Variants in SNTG1 observed in about 807,000 individuals in gnomAD.
The protein encoded by SNTG1 is gamma-1-syntrophin.
Under a neutral mutation model 74.7 loss-of-function variants are expected in SNTG1, and 39 were observed. That is an observed-to-expected ratio of 0.52 (90% CI 0.40 to 0.68). The LOEUF is 0.68. SNTG1 is among the 30% of genes least tolerant of loss of function. SNTG1 has a pLI of 0.00. For synonymous variants in SNTG1, 254 were observed against 217.1 expected (o/e 1.17, Z -1.49); for missense variants, 685 against 609.5 (o/e 1.12, Z -1.30).
At chr8:50,216,585 T>C (rs892408938) in intron 2 of SNTG1, among the ~76,000 whole-genome samples, 1 of 152,090 alleles carries the variant, frequency 6.6e-6, no homozygotes, top group African/African-American at 2.4e-5. Context: ...TTGCTTTAGA[T>C]TTTATCTGAA....
intron 2 of SNTG1, among the ~76,000 whole-genome samples, chr8:50,230,922 T>G (rs2132062156): frequency 6.6e-6 from 1 of 151,204 alleles, no homozygotes; most frequent in East Asian, 1.9e-4. Flanking sequence ...AGTAAAAAGC[T>G]TCTGCACATC....
intron 2 of SNTG1, among the ~76,000 whole-genome samples, chr8:50,271,163 G>A (rs1346984965): frequency 2.0e-5 from 3 of 152,180 alleles, no homozygotes; most frequent in Non-Finnish European, 4.4e-5. Context: ...ATAGAAGCAT[G>A]TGAGAAATGG....
chr8:50,486,344 C>G (rs921220104), intron 8 of SNTG1, among the ~76,000 whole-genome samples: 8 of 145,396 alleles, frequency 5.5e-5, no homozygotes, highest in African/African-American at 2.0e-4. Flanking sequence ...GTTTGTAGTT[C>G]TCCTTGAAGA....
At chr8:50,225,985 A>G (rs777990624) in intron 2 of SNTG1, among the ~76,000 whole-genome samples, 8 of 152,240 alleles carry the variant, frequency 5.3e-5, no homozygotes, top group Non-Finnish European at 7.3e-5. Context: ...ATATAGGACT[A>G]GATATGCATA....
At chr8:50,452,060 A>T (rs1029353213) in intron 8 of SNTG1, among the ~76,000 whole-genome samples, 1 of 152,228 alleles carries the variant, frequency 6.6e-6, no homozygotes, top group Non-Finnish European at 1.5e-5. Flanking sequence ...TTTCACATCT[A>T]AGAGAGGCAA....
chr8:50,048,851 C>T (rs1313309324), intron 1 of SNTG1, among the ~76,000 whole-genome samples: 1 of 151,942 alleles, frequency 6.6e-6, no homozygotes, highest in African/African-American at 2.4e-5. Flanking sequence ...TAAGTTTTGC[C>T]TAATAGGACT....
intron 8 of SNTG1, among the ~76,000 whole-genome samples, chr8:50,484,141 T>TTTCTTTCTTTCTTCCTTTCTTTCC (rs1256171947): frequency 1.1e-5 from 1 of 92,786 alleles, no homozygotes; most frequent in Non-Finnish European, 2.3e-5. Flanking sequence ...TCTTTCCTTC[T>TTTCTTTCTTTCTTCCTTTCTTTCC]TTCTTTCTTT....
chr8:50,722,947 C>T (rs1367202034), intron 17 of SNTG1, among the ~76,000 whole-genome samples: 2 of 152,288 alleles, frequency 1.3e-5, no homozygotes, highest in Non-Finnish European at 2.9e-5. Context: ...TCCATTAACA[C>T]TATATGTAAA....
chr8:50,654,382 C>T (rs969041813), intron 13 of SNTG1, among the ~76,000 whole-genome samples: 22 of 152,152 alleles, frequency 1.4e-4, no homozygotes, highest in African/African-American at 2.6e-4. Context: ...CCCAACTTTA[C>T]GTTTCATAAA....
chr8:50,206,419 G>T (rs2084240836), intron 2 of SNTG1, among the ~76,000 whole-genome samples: 2 of 152,246 alleles, frequency 1.3e-5, no homozygotes, highest in Admixed American at 1.3e-4. Context: ...CATTGATTTT[G>T]TATCCTGAGA....
intron 1 of SNTG1, among the ~76,000 whole-genome samples, chr8:50,031,736 TTTG>T: frequency 6.6e-6 from 1 of 152,106 alleles, no homozygotes; most frequent in Non-Finnish European, 1.5e-5. Context: ...ACATTAATAT[TTTG>T]TTAACAATTT....
At chr8:50,541,877 A>G (rs1220162322) in intron 11 of SNTG1, among the ~76,000 whole-genome samples, 1 of 151,812 alleles carries the variant, frequency 6.6e-6, no homozygotes, top group East Asian at 1.9e-4. Flanking sequence ...AATGAGATCA[A>G]CTTTTTTAGC....
At chr8:50,202,807 T>C (rs926336569) in intron 2 of SNTG1, among the ~76,000 whole-genome samples, 2 of 151,872 alleles carry the variant, frequency 1.3e-5, no homozygotes, top group East Asian at 3.9e-4. Flanking sequence ...TTTTTTTTTT[T>C]TACAGTTTGA....
chr8:50,244,622 A>G (rs1057157402), intron 2 of SNTG1, among the ~76,000 whole-genome samples: 3 of 152,146 alleles, frequency 2.0e-5, no homozygotes, highest in Non-Finnish European at 2.9e-5. Flanking sequence ...TTAAATTTCA[A>G]TATAAAATTT....
chr8:50,143,336 T>C (rs1306893202), intron 1 of SNTG1, among the ~76,000 whole-genome samples: 1 of 152,176 alleles, frequency 6.6e-6, no homozygotes, highest in African/African-American at 2.4e-5. Context: ...AAATTTTTAT[T>C]GAGAAAAACG....
chr8:50,242,716 G>A (rs971382248), intron 2 of SNTG1, among the ~76,000 whole-genome samples: 28 of 150,202 alleles, frequency 1.9e-4, no homozygotes, highest in South Asian at 4.2e-4. Flanking sequence ...TCCATATCAC[G>A]TATGTATTAT....
chr8:50,624,627 T>C (rs2094945106), intron 13 of SNTG1, among the ~76,000 whole-genome samples: 1 of 152,158 alleles, frequency 6.6e-6, no homozygotes, highest in Non-Finnish European at 1.5e-5. Flanking sequence ...CATCTCTTTA[T>C]TGAGCTATAG....
intron 13 of SNTG1, among the ~76,000 whole-genome samples, chr8:50,604,552 G>C (rs1336572452): frequency 6.6e-6 from 1 of 152,010 alleles, no homozygotes; most frequent in African/African-American, 2.4e-5. Context: ...GGGGAGTTCT[G>C]CCAGGCTACC....
chr8:50,675,979 A>G lies in SNTG1; in HGVS notation c.1038+17316A>G, dbSNP rs1049319981. 2.0e-5 allele frequency among the ~76,000 whole-genome samples: 3 copies of G among 152,024 alleles called. No individual in the cohort carries two copies. In the East Asian group the frequency reaches 5.8e-4, roughly 29 times the overall value. Reference sequence around the variant, plus strand: ...TGGTTCCCAATCTCTTATGGCTTGTAGAATTTCTGCTGAGAGATCCACTGT... The same window carrying G: ...TGGTTCCCAATCTCTTATGGCTTGTGGAATTTCTGCTGAGAGATCCACTGT... On this transcript the variant is annotated intron_variant, in intron 15 of 18. Transcript: ENST00000642720.
Sources: gnomAD v4.1 joint callset for allele counts (sites outside exome capture counted in the v4.1 genomes callset) on GRCh38, gnomAD v4.1.1 for gene constraint, MANE v1.5 for transcripts, NCBI Gene and HGNC (gene_info 2026-07-23, HGNC 2026-07-21) for gene names.